Variants in PRKD1 observed in about 807,000 individuals in gnomAD.
The protein encoded by PRKD1 is serine/threonine-protein kinase D1.
PRKD1 carries 63 observed loss-of-function variants against 95.9 expected under a neutral mutation model. The ratio of observed to expected loss-of-function variants is 0.66; its 90% CI spans 0.54 to 0.81. PRKD1 has a LOEUF of 0.81. PRKD1 is among the 30% of genes least tolerant of loss of function. The pLI is 0.00. For synonymous variants in PRKD1, 425 were observed against 423.1 expected, an observed-to-expected ratio of 1.00 and a Z score of -0.05; for missense variants, 1,048 against 1,165.3, an observed-to-expected ratio of 0.90 and a Z score of 1.47.
intron 4 of PRKD1, chr14:29,656,598 T>C (rs1350130280): frequency 1.5e-6 from 2 of 1,333,278 alleles, no homozygotes; most frequent in South Asian, 2.5e-5. Context: ...GCAAAGCACA[T>C]TACTCAATAA....
chr14:29,858,297 G>A (rs1892580936), intron 1 of PRKD1, among the ~76,000 whole-genome samples: 1 of 152,096 alleles, frequency 6.6e-6, no homozygotes, highest in Non-Finnish European at 1.5e-5. Flanking sequence ...CTCTATGAGG[G>A]TACAAACTGG....
rs114997208 is a variant in PRKD1, at chr14:29,618,081, A to G, written c.1905+6071T>C. ...GACCCCTTCTCCCAAAAAACAAAAA[A>G]GCTTTTAGGTGCTCGAAGATATATT... On this transcript the variant is annotated intron_variant, in intron 13 of 17. Transcript: ENST00000331968. 6.4e-3 allele frequency among the ~76,000 whole-genome samples: 970 copies of G among 152,152 alleles called. 23 individuals are homozygous for G. Among genetic ancestry groups the G allele is most frequent in the African/African-American group, 0.022 (902 of 41,512 alleles).
intron 16 of PRKD1, among the ~76,000 whole-genome samples, chr14:29,583,820 A>C (rs911011876): frequency 2.0e-5 from 3 of 152,166 alleles, no homozygotes; most frequent in Admixed American, 2.0e-4. Flanking sequence ...TGTTCCCTAC[A>C]AATTATAAAA....
chr14:29,783,216 T>C (rs1249383261), intron 1 of PRKD1, among the ~76,000 whole-genome samples: 1 of 152,096 alleles, frequency 6.6e-6, no homozygotes, highest in African/African-American at 2.4e-5. Flanking sequence ...GAAATCAAAT[T>C]TTCTAGCTTC....
chr14:29,633,078 G>A, intron 8 of PRKD1, 132 bp from the exon 9 acceptor site: 1 of 762,706 alleles, frequency 1.3e-6, no homozygotes, highest in Admixed American at 2.0e-5. Context: ...GGGAAAGGCA[G>A]ACTCATGCTC....
intron 2 of PRKD1, among the ~76,000 whole-genome samples, chr14:29,700,424 T>G (rs1884768584): frequency 6.6e-6 from 1 of 152,194 alleles, no homozygotes; most frequent in African/African-American, 2.4e-5. Flanking sequence ...TTTTCTTCAT[T>G]TTTAAAATGC....
chr14:29,718,290 T>C (rs1017372352), intron 2 of PRKD1, among the ~76,000 whole-genome samples: 3 of 152,040 alleles, frequency 2.0e-5, no homozygotes, highest in African/African-American at 7.2e-5. Context: ...GATCTGATGG[T>C]TTTATAGATG....
At chr14:29,920,377 C>G (rs552059185) in intron 1 of PRKD1, among the ~76,000 whole-genome samples, 1 of 151,858 alleles carries the variant, frequency 6.6e-6, no homozygotes, top group African/African-American at 2.4e-5. Flanking sequence ...AAGGTGATGG[C>G]GCAAGGTCAG....
intron 1 of PRKD1, among the ~76,000 whole-genome samples, chr14:29,899,506 G>A (rs1894247063): frequency 6.6e-6 from 1 of 152,040 alleles, no homozygotes; most frequent in Admixed American, 6.6e-5. Context: ...AATTGGCTGG[G>A]CATGGTGACC....
intron 1 of PRKD1, among the ~76,000 whole-genome samples, chr14:29,888,438 T>A (rs1893816411): frequency 6.6e-6 from 1 of 152,190 alleles, no homozygotes; most frequent in Non-Finnish European, 1.5e-5. Context: ...TACCAACTTG[T>A]ATACGGAATG....
At chr14:29,622,443 G>A (rs1319893058) in intron 13 of PRKD1, among the ~76,000 whole-genome samples, 56 of 142,460 alleles carry the variant, frequency 3.9e-4, no homozygotes, top group African/African-American at 1.3e-3. Flanking sequence ...TCACTCTGTT[G>A]CCCAGGCTGG....
intron 1 of PRKD1, among the ~76,000 whole-genome samples, chr14:29,758,763 A>G (rs1270431083): frequency 6.6e-6 from 1 of 152,210 alleles, no homozygotes; most frequent in Non-Finnish European, 1.5e-5. Flanking sequence ...CTGGCCACAT[A>G]AAGCCCACCT....
chr14:29,843,462 CA>C (rs748924422), intron 1 of PRKD1, among the ~76,000 whole-genome samples: 1 of 151,834 alleles, frequency 6.6e-6, no homozygotes, highest in Non-Finnish European at 1.5e-5. Context: ...CAGATATTGA[CA>C]AAAAAACAGG....
At chr14:29,855,252 G>A (rs1295193576) in intron 1 of PRKD1, among the ~76,000 whole-genome samples, 1 of 152,128 alleles carries the variant, frequency 6.6e-6, no homozygotes, top group Non-Finnish European at 1.5e-5. Flanking sequence ...ACAGCCAGGA[G>A]GGAAGCTGTA....
At chr14:29,837,116 C>T (rs969759374) in intron 1 of PRKD1, among the ~76,000 whole-genome samples, 1 of 152,096 alleles carries the variant, frequency 6.6e-6, no homozygotes, top group Non-Finnish European at 1.5e-5. Context: ...AGGGGTCATG[C>T]ACCTCCACAC....
intron 1 of PRKD1, among the ~76,000 whole-genome samples, chr14:29,782,980 C>G (rs1181266682): frequency 6.6e-6 from 1 of 152,220 alleles, no homozygotes; most frequent in East Asian, 1.9e-4. Context: ...TCCATCACCT[C>G]AAACATTTGT....
chr14:29,596,034 CAT>C (rs1893289059), intron 16 of PRKD1, among the ~76,000 whole-genome samples: 1 of 152,284 alleles, frequency 6.6e-6, no homozygotes, highest in East Asian at 1.9e-4. Flanking sequence ...CTTTGGCACA[CAT>C]GATAGCTCTT....
rs372573434 is a variant in PRKD1, at chr14:29,909,018, G to A, written c.264+18231C>T. Among the ~76,000 whole-genome samples, 98 of 152,314 alleles carry A rather than the reference G, an allele frequency of 6.4e-4. 1 individual carries two copies. Among genetic ancestry groups the A allele is most frequent in the African/African-American group, 2.3e-3 (97 of 41,590 alleles). Reference sequence around the variant, plus strand: ...GAGGGAGAAGCGCAAGCGGGAACCAGGGCTGCGAGTGGCGCTCACGGGTCA... The same window carrying A: ...GAGGGAGAAGCGCAAGCGGGAACCAAGGCTGCGAGTGGCGCTCACGGGTCA... On this transcript the variant is annotated intron_variant, in intron 1 of 17. Transcript: ENST00000331968.
In PRKD1 at chr14:29,841,219, C is replaced by A. The variant is rs967356490; in HGVS notation, c.264+86030G>T. Among the ~76,000 whole-genome samples the A allele has an allele frequency of 2.0e-5, 3 of 152,324 alleles. No homozygotes were observed. In the East Asian group the frequency reaches 5.8e-4, roughly 29 times the overall value. ...ACTTGCCTTGTTTCATGACAATATGCTTGTCTCAGATGAGACTTTGGACTG... is the reference window on the plus strand; with the variant it reads ...ACTTGCCTTGTTTCATGACAATATGATTGTCTCAGATGAGACTTTGGACTG... On this transcript the variant is annotated intron_variant, in intron 1 of 17. Transcript: ENST00000331968.
Sources: gnomAD v4.1 joint callset for allele counts (sites outside exome capture counted in the v4.1 genomes callset) on GRCh38, gnomAD v4.1.1 for gene constraint, MANE v1.5 for transcripts, NCBI Gene and HGNC (gene_info 2026-07-23, HGNC 2026-07-21) for gene names.